Variants in PIK3C2B observed in about 807,000 individuals in gnomAD.
The protein encoded by PIK3C2B is phosphatidylinositol 4-phosphate 3-kinase C2 domain-containing subunit beta.
PIK3C2B carries 83 observed loss-of-function variants against 184.3 expected under a neutral mutation model. That is an observed-to-expected ratio of 0.45 (90% CI 0.38 to 0.54). The LOEUF is 0.54. Ranked by LOEUF, PIK3C2B falls within the 20% of genes least tolerant of loss-of-function variation. The pLI, the probability that PIK3C2B is intolerant of heterozygous loss-of-function variation, is 0.00. For missense variants in PIK3C2B, 1,736 were observed against 2,113.5 expected, an observed-to-expected ratio of 0.82 and a Z score of 3.50; for synonymous variants, 779 against 837.6, an observed-to-expected ratio of 0.93 and a Z score of 1.21.
chr1:204,486,965 G>A (rs1657648698), intron 1 of PIK3C2B, among the ~76,000 whole-genome samples: 1 of 152,114 alleles, frequency 6.6e-6, no homozygotes, highest in South Asian at 2.1e-4. Flanking sequence ...ATGCCACCAG[G>A]CCCAGTTAAT....
rs1000792045 is a variant in PIK3C2B, at chr1:204,422,726, C to G, written c.*2126G>C. On this transcript the variant is annotated 3_prime_UTR_variant, in exon 33 of 33. Coordinates refer to ENST00000684373, the MANE Select transcript of PIK3C2B (RefSeq NM_001377334.1). Reference sequence around the variant, plus strand: ...AGTGGGAAGTAAACAGTACACAGATCTCTTTAAATCAGGAGCATATAGGTC... The same window carrying G: ...AGTGGGAAGTAAACAGTACACAGATGTCTTTAAATCAGGAGCATATAGGTC... The G allele has an allele frequency of 2.0e-5, 3 of 152,442 alleles. No homozygotes were observed. Among genetic ancestry groups the G allele is most frequent in the Non-Finnish European group, 4.4e-5 (3 of 68,000 alleles). 9.4% of individuals were successfully genotyped at this position (152,442 alleles called of 1,614,324 possible).
At chr1:204,444,307 TG>T in intron 17 of PIK3C2B, 23 bp downstream of exon 17, 1 of 1,593,472 alleles carries the variant, frequency 6.3e-7, no homozygotes, top group Non-Finnish European at 8.6e-7. Context: ...CCAGCAAAAC[TG>T]GAGGGAGGAC....
intron 1 of PIK3C2B, among the ~76,000 whole-genome samples, chr1:204,486,394 C>CA (rs34149363): frequency 0.023 from 1,986 of 86,422 alleles, 70 homozygotes; most frequent in African/African-American, 0.084. Context: ...GACTCAGTCT[C>CA]AAAAAAAAAA....
chr1:204,433,226 T>G lies in PIK3C2B; in HGVS notation c.3953+90A>C. The G allele has an allele frequency of 1.4e-6, 1 of 720,084 alleles. No individual in the cohort carries two copies. Among genetic ancestry groups the G allele is most frequent in the Non-Finnish European group, 2.4e-6 (1 of 411,294 alleles). The allele number at this position is 720,084 out of a possible 1,614,324, so 44.6% of individuals were successfully genotyped here. A position where few individuals can be genotyped will look rare whatever the true frequency, so the allele number is the denominator to read the frequency against. ...GGCTCTAGCATCTGAGCTAAGCTTT[T>G]CACCTTTCCCCAGTCCTCCTCCTGC... On this transcript the variant is annotated intron_variant, in intron 26 of 32. Coordinates refer to ENST00000684373, the MANE Select transcript of PIK3C2B (RefSeq NM_001377334.1). The surrounding 1 kb of genome is among the most constrained non-coding windows in gnomAD (Gnocchi z 5.0).
In PIK3C2B at chr1:204,422,930, T is replaced by A. The variant is rs954060120; in HGVS notation, c.*1922A>T. ...CATGCTGCCCTGTGGCTTCGGTCAATGGAGCTTCTTTCTCCAGTTATGGAA... is the reference window on the plus strand; with the variant it reads ...CATGCTGCCCTGTGGCTTCGGTCAAAGGAGCTTCTTTCTCCAGTTATGGAA... On this transcript the variant is annotated 3_prime_UTR_variant, in exon 33 of 33. Transcript: ENST00000684373. 4 of 152,498 alleles carry A rather than the reference T, an allele frequency of 2.6e-5. No individual in the cohort carries two copies. Among genetic ancestry groups the A allele is most frequent in the African/African-American group, 9.6e-5 (4 of 41,466 alleles). The allele number at this position is 152,498 out of a possible 1,614,324, so 9.4% of individuals were successfully genotyped here. A position where few individuals can be genotyped will look rare whatever the true frequency, so the allele number is the denominator to read the frequency against.
intron 1 of PIK3C2B, among the ~76,000 whole-genome samples, chr1:204,493,482 AGGAGAAAAGGCAGGCC>A (rs1658144565): frequency 6.6e-6 from 1 of 151,316 alleles, no homozygotes; most frequent in African/African-American, 2.4e-5. Context: ...GCGGGTGGAG[AGGAGAAAAGGCAGGCC>A]TGAAGGAGCA....
chr1:204,451,833 C>T (rs763026241), intron 12 of PIK3C2B, among the ~76,000 whole-genome samples: 4 of 152,212 alleles, frequency 2.6e-5, no homozygotes, highest in Non-Finnish European at 4.4e-5. Context: ...GAAACCAAAA[C>T]CAAGAGGGCT....
intron 21 of PIK3C2B, 76 bp downstream of exon 21, chr1:204,441,395 G>A: frequency 3.5e-6 from 3 of 845,424 alleles, no homozygotes; most frequent in Admixed American, 1.9e-5. Context: ...CCACCCAGGG[G>A]CTACTTAATG....
intron 18 of PIK3C2B, among the ~76,000 whole-genome samples, 176 bp downstream of exon 18, chr1:204,443,892 G>C (rs1653610576): frequency 6.6e-6 from 1 of 152,134 alleles, no homozygotes; most frequent in Non-Finnish European, 1.5e-5. Context: ...TCCTCACTAT[G>C]TTACATGGGG....
intron 1 of PIK3C2B, among the ~76,000 whole-genome samples, chr1:204,478,092 A>T (rs1184744319): frequency 6.6e-6 from 1 of 151,992 alleles, no homozygotes; most frequent in Non-Finnish European, 1.5e-5. Flanking sequence ...AAGGGAAGAG[A>T]CTCAGCTCTA....
chr1:204,482,457 G>A (rs1241988015), intron 1 of PIK3C2B, among the ~76,000 whole-genome samples: 1 of 152,176 alleles, frequency 6.6e-6, no homozygotes, highest in Non-Finnish European at 1.5e-5. Context: ...CTTTAGCCAG[G>A]TCAAAGGAGA....
chr1:204,439,809 T>C (rs1675548166), intron 22 of PIK3C2B, among the ~76,000 whole-genome samples: 1 of 152,194 alleles, frequency 6.6e-6, no homozygotes, highest in African/African-American at 2.4e-5. Context: ...TAATTTTTTA[T>C]AATTTTTATT....
intron 26 of PIK3C2B, 77 bp from the exon 27 acceptor site, chr1:204,432,478 T>C: frequency 9.2e-7 from 1 of 1,090,176 alleles, no homozygotes; most frequent in Non-Finnish European, 1.4e-6. Flanking sequence ...TTCCAAGGAA[T>C]ATTCCTGACT....
At chr1:204,429,749 G>A (rs1674938735) in intron 29 of PIK3C2B, among the ~76,000 whole-genome samples, 172 bp downstream of exon 29, 1 of 152,152 alleles carries the variant, frequency 6.6e-6, no homozygotes, top group Non-Finnish European at 1.5e-5. Context: ...CTGTGAGGCT[G>A]GACCCACCCT....
chr1:204,427,606 A>G (rs1263559553), intron 31 of PIK3C2B, 42 bp downstream of exon 31: 4 of 1,374,090 alleles, frequency 2.9e-6, no homozygotes, highest in Non-Finnish European at 3.1e-6. Flanking sequence ...AGCTAAAGAA[A>G]CATTAAAAAA....
In PIK3C2B at chr1:204,445,981, C is replaced by A; in HGVS notation, c.2653G>T (p.Asp885Tyr). 1.3e-6 allele frequency: 2 copies of A among 1,556,784 alleles called. No individual in the cohort carries two copies. The highest frequency in any genetic ancestry group is 1.7e-6 in the Non-Finnish European group (2 of 1,145,564). Residue 885 changes from aspartate to tyrosine, a missense_variant, in exon 16 of 33, where the codon GAT (aspartate) becomes TAT (tyrosine). Physicochemically the swap from Asp to Tyr is radical, Grantham distance 160. This residue lies in a region of PIK3C2B where 609 missense variants were observed against 699.2 expected (regional missense o/e 0.87). Coordinates refer to ENST00000684373, the MANE Select transcript of PIK3C2B (RefSeq NM_001377334.1). ...GTGGCATGCAGGAGCCCCAGGGCAT[C>A]CTGGTGGTTCATGTGGGTCCACTGC... ...LKQWTHMNHQ[D>Y]ALGLLHATFP...
intron 2 of PIK3C2B, chr1:204,467,479 C>T (rs1423817889): frequency 6.5e-6 from 1 of 153,868 alleles, no homozygotes; most frequent in Non-Finnish European, 1.4e-5. Flanking sequence ...ACCCCAGTGC[C>T]CCTTAAACAA....
At chr1:204,484,798 C>T (rs1657457282) in intron 1 of PIK3C2B, among the ~76,000 whole-genome samples, 1 of 151,972 alleles carries the variant, frequency 6.6e-6, no homozygotes, top group South Asian at 2.1e-4. Context: ...GCTCTCCACA[C>T]CCCCATCCCA....
Position 204,432,403 on chromosome 1 carries a change from T to C in PIK3C2B, c.3954-2A>G. 2 of 1,613,710 alleles carry C rather than the reference T, an allele frequency of 1.2e-6. No individual in the cohort carries two copies. The highest frequency in any genetic ancestry group is 1.1e-5 in the South Asian group (1 of 91,072). ...CTGCCCAGGCTGGACTCAATCAACC[T>C]GGCAGGAGGATAAGAAAAGAGGATA... On this transcript the variant is annotated splice_acceptor_variant, in intron 26 of 32. Coordinates refer to ENST00000684373, the MANE Select transcript of PIK3C2B (RefSeq NM_001377334.1). LOFTEE classifies it high-confidence loss of function.
Sources: allele counts gnomAD v4.1 joint callset (sites outside exome capture counted in the v4.1 genomes callset), GRCh38; gene constraint gnomAD v4.1.1; regional missense constraint gnomAD v4.1.1; non-coding constraint Gnocchi (gnomAD v3.1); transcripts MANE v1.5; gene names NCBI Gene and HGNC (gene_info 2026-07-23, HGNC 2026-07-21).